The following ZSWIM6 variants were observed in gnomAD, a reference collection of about 807,000 sequenced individuals.
The protein encoded by ZSWIM6 is zinc finger SWIM domain-containing protein 6.
In ZSWIM6, 9 loss-of-function variants were observed where a neutral mutation model predicts 113.2. The ratio of observed to expected loss-of-function variants is 0.08; its 90% CI spans 0.05 to 0.14. ZSWIM6 has a LOEUF of 0.14. Among genes scored for constraint, ZSWIM6 ranks in the 10% least tolerant of loss-of-function variants. ZSWIM6 has a pLI of 1.00. For missense variants in ZSWIM6, 1,162 were observed against 1,552.2 expected (o/e 0.75, Z 4.22); for synonymous variants, 611 against 606.5 (o/e 1.01, Z -0.11).
intron 1 of ZSWIM6, chr5:61,391,815 C>T: frequency 1.2e-6 from 1 of 829,962 alleles, no homozygotes; most frequent in South Asian, 1.5e-5. Flanking sequence ...TGCTGCGCTG[C>T]TGAGGCAGGA....
At chr5:61,380,727 T>G (rs1485765342) in intron 1 of ZSWIM6, among the ~76,000 whole-genome samples, 2 of 152,192 alleles carry the variant, frequency 1.3e-5, no homozygotes, top group African/African-American at 4.8e-5. Context: ...CCATTAAGTC[T>G]TCACTGTTGA....
intron 1 of ZSWIM6, among the ~76,000 whole-genome samples, chr5:61,393,947 A>G (rs1745785775): frequency 6.6e-6 from 1 of 152,118 alleles, no homozygotes; most frequent in African/African-American, 2.4e-5. Flanking sequence ...TATAAAATAG[A>G]AGCAAGCAAC....
intron 1 of ZSWIM6, among the ~76,000 whole-genome samples, chr5:61,388,440 A>G (rs1745635708): frequency 6.6e-6 from 1 of 152,238 alleles, no homozygotes; most frequent in Admixed American, 6.5e-5. Context: ...CAAAAAACCT[A>G]CAAAACCATC....
At chr5:61,395,529 T>G (rs947638151) in intron 1 of ZSWIM6, among the ~76,000 whole-genome samples, 1 of 152,200 alleles carries the variant, frequency 6.6e-6, no homozygotes, top group Admixed American at 6.5e-5. Flanking sequence ...GTTTAATTGA[T>G]TAAATGAGCA....
intron 1 of ZSWIM6, among the ~76,000 whole-genome samples, chr5:61,356,739 TTATA>T (rs34874836): frequency 1.5e-5 from 2 of 130,598 alleles, no homozygotes; most frequent in Admixed American, 1.7e-4. Context: ...ATAATATATA[TTATA>T]TATATATATT....
At chr5:61,428,735 A>G (rs1213317678) in intron 1 of ZSWIM6, among the ~76,000 whole-genome samples, 1 of 152,170 alleles carries the variant, frequency 6.6e-6, no homozygotes, top group Non-Finnish European at 1.5e-5. Context: ...GATACAGAAC[A>G]TGGTCCCATT....
chr5:61,472,997 T>A lies in ZSWIM6; in HGVS notation c.993T>A (p.Asp331Glu). The stretch of plus-strand genomic sequence containing the variant: ...TGCCAACTGCTCAAAAATTAGCAGA[T>A]GAAATTCTTTCCCAAAATTCAGAAA... ...EVLPTAQKLA[D>E]EILSQNSEIN... Residue 331 changes from aspartate (D) to glutamate (E), a missense_variant, in exon 2 of 14, where the codon GAT becomes GAA. Coordinates refer to ENST00000252744, the MANE Select transcript of ZSWIM6 (RefSeq NM_020928.2). The surrounding 1 kb of genome is among the most constrained non-coding windows in gnomAD (Gnocchi z 4.1). The A allele has an allele frequency of 6.5e-7, 1 of 1,538,168 alleles. No homozygotes were observed. The highest frequency in any genetic ancestry group is 8.8e-7 in the Non-Finnish European group (1 of 1,137,130).
At chr5:61,501,946 A>T (rs905642488) in intron 4 of ZSWIM6, among the ~76,000 whole-genome samples, 24 of 152,142 alleles carry the variant, frequency 1.6e-4, no homozygotes, top group African/African-American at 5.6e-4. Flanking sequence ...TACTGACCGC[A>T]CTTGCCTTCA....
chr5:61,333,011 G>GGCCCCC, intron 1 of ZSWIM6, 63 bp downstream of exon 1: 1 of 1,003,826 alleles, frequency 1.0e-6, no homozygotes, highest in Non-Finnish European at 1.2e-6. Context: ...GGGGGGGGGT[G>GGCCCCC]CCCGCCTTTC....
intron 1 of ZSWIM6, among the ~76,000 whole-genome samples, chr5:61,342,143 A>G (rs1744564721): frequency 6.6e-6 from 1 of 152,040 alleles, no homozygotes; most frequent in African/African-American, 2.4e-5. Flanking sequence ...GCCTCCTAAA[A>G]TGCTAGGATT....
At chr5:61,394,939 A>G (rs1050206775) in intron 1 of ZSWIM6, among the ~76,000 whole-genome samples, 1 of 151,982 alleles carries the variant, frequency 6.6e-6, no homozygotes, top group African/African-American at 2.4e-5. Flanking sequence ...CGTGTTGAGG[A>G]GTTGAACTTG....
chr5:61,426,679 A>G (rs1175778678), intron 1 of ZSWIM6, among the ~76,000 whole-genome samples: 1 of 151,664 alleles, frequency 6.6e-6, no homozygotes, highest in Non-Finnish European at 1.5e-5. Flanking sequence ...ATGTCTCTTT[A>G]TCCTCCTTTA....
At chr5:61,403,432 A>G (rs1242957426) in intron 1 of ZSWIM6, among the ~76,000 whole-genome samples, 7 of 152,180 alleles carry the variant, frequency 4.6e-5, no homozygotes, top group East Asian at 3.9e-4. Flanking sequence ...TCCTCTTGCT[A>G]TAGAGCAGGG....
chr5:61,421,818 T>C (rs1322599730), intron 1 of ZSWIM6, among the ~76,000 whole-genome samples: 1 of 152,178 alleles, frequency 6.6e-6, no homozygotes, highest in Non-Finnish European at 1.5e-5. Flanking sequence ...AGTTGTTCTC[T>C]TTTATGGCTG....
At chr5:61,437,674 G>A (rs1746738121) in intron 1 of ZSWIM6, among the ~76,000 whole-genome samples, 1 of 140,616 alleles carries the variant, frequency 7.1e-6, no homozygotes, top group Admixed American at 7.7e-5. Context: ...CTGTGATCAT[G>A]CCACTGCACT....
Position 61,531,326 on chromosome 5 carries a change from C to T in ZSWIM6, c.1985-139C>T. 5 of 1,048,300 alleles carry T rather than the reference C, an allele frequency of 4.8e-6. No individual in the cohort carries two copies. The South Asian group carries it at 6.6e-5, about 14-fold the overall frequency. 64.9% of individuals were successfully genotyped at this position (1,048,300 alleles called of 1,614,324 possible). On this transcript the variant is annotated intron_variant, in intron 8 of 13. Transcript: ENST00000252744. The stretch of plus-strand genomic sequence containing the variant: ...AGATACTGGAAGACTGCACTTTAGC[C>T]TAAAAAACATGTTTTCTGGCTTTCT...
chr5:61,535,734 CTATG>C, intron 10 of ZSWIM6, 115 bp downstream of exon 10: 1 of 1,323,352 alleles, frequency 7.6e-7, no homozygotes, highest in Non-Finnish European at 1.0e-6. Flanking sequence ...GCTAAAGAAA[CTATG>C]TATTTATGCT....
chr5:61,366,346 C>T lies in ZSWIM6; in HGVS notation c.676+33398C>T, dbSNP rs191372350. ...ATTGGATGGGATAGTGGCCGTGCCA[C>T]GTTTTAGTGTGCTCCAGCAAGACCA... On this transcript the variant is annotated intron_variant, in intron 1 of 13. Transcript: ENST00000252744. 1.2e-4 allele frequency among the ~76,000 whole-genome samples: 18 copies of T among 152,330 alleles called. No homozygotes were observed. The East Asian group carries it at 3.3e-3, about 28-fold the overall frequency.
intron 1 of ZSWIM6, among the ~76,000 whole-genome samples, chr5:61,424,120 T>TA (rs572927273): frequency 3.8e-4 from 58 of 152,342 alleles, no homozygotes; most frequent in African/African-American, 1.2e-3. Flanking sequence ...GAAGAGGAAT[T>TA]AAAACTTGCT....
Sources: gnomAD v4.1 joint callset for allele counts (sites outside exome capture counted in the v4.1 genomes callset) on GRCh38, gnomAD v4.1.1 for gene constraint, Gnocchi (gnomAD v3.1) non-coding constraint, MANE v1.5 for transcripts, NCBI Gene and HGNC (gene_info 2026-07-23, HGNC 2026-07-21) for gene names.